MASP1: variants seen among roughly 807,000 people sequenced by gnomAD.
The protein encoded by MASP1 is MBL associated serine protease 1.
A neutral mutation model predicts 77.1 loss-of-function variants in MASP1; 59 were observed. That is an observed-to-expected ratio of 0.77 (90% confidence interval 0.62 to 0.95). The LOEUF is 0.95. Among genes scored for constraint, MASP1 ranks in the 40% least tolerant of loss-of-function variants. MASP1 has a pLI of 0.00. For missense variants in MASP1, 885 were observed against 912.9 expected, an observed-to-expected ratio of 0.97 and a Z score of 0.39; for synonymous variants, 362 against 354.5, an observed-to-expected ratio of 1.02 and a Z score of -0.24.
intron 7 of MASP1, chr3:187,251,243 A>G: frequency 4.5e-6 from 1 of 221,990 alleles, no homozygotes; most frequent in Non-Finnish European, 9.1e-6. Flanking sequence ...TACAGGCATG[A>G]GCCACCATGC....
In MASP1 at chr3:187,252,134, C is replaced by T. The variant is rs907041582; in HGVS notation, c.893-382G>A. ...GTCCAAACCTGCATCCCTCCTCCCT[C>T]AGCCACTACCTGCATCTTTCCTCCC... On this transcript the variant is annotated intron_variant, in intron 6 of 10. Transcript: ENST00000296280. Among the ~76,000 whole-genome samples the T allele has an allele frequency of 7.2e-5, 11 of 152,316 alleles. 1 individual carries two copies. Among genetic ancestry groups the T allele is most frequent in the African/African-American group, 2.6e-4 (11 of 41,564 alleles).
chr3:187,240,996 T>TA, intron 10 of MASP1, among the ~76,000 whole-genome samples: 1 of 152,324 alleles, frequency 6.6e-6, no homozygotes, highest in South Asian at 2.1e-4. Context: ...CACTTCCTGT[T>TA]ACCACAAAAT....
At chr3:187,279,211 G>A (rs2108598142) in intron 2 of MASP1, among the ~76,000 whole-genome samples, 2 of 152,324 alleles carry the variant, frequency 1.3e-5, no homozygotes, top group South Asian at 4.1e-4. Flanking sequence ...TAGAGACACT[G>A]GGGAAAAATG....
chr3:187,286,039 T>C lies in MASP1; in HGVS notation c.23A>G (p.Tyr8Cys). Residue 8 changes from tyrosine to cysteine, a missense_variant, in exon 2 of 11, where the codon TAT becomes TGT. By Grantham distance (194) the Tyr-to-Cys change is radical. Transcript: ENST00000296280. MRWLLLY[Y>C]ALCFSLSKAS... ...CTTTGACAGGGAGAAGCACAGAGCA[T>C]AATAGAGAAGCAGCCACCTGAAAGA... 1 of 1,614,136 alleles carries C rather than the reference T, an allele frequency of 6.2e-7. No individual in the cohort carries two copies. Among genetic ancestry groups the C allele is most frequent in the Non-Finnish European group, 8.5e-7 (1 of 1,180,002 alleles).
chr3:187,288,970 C>T (rs1718079055), intron 1 of MASP1, among the ~76,000 whole-genome samples: 1 of 152,118 alleles, frequency 6.6e-6, no homozygotes, highest in Non-Finnish European at 1.5e-5. Context: ...CATATGCTTG[C>T]CTGCTTGCGT....
chr3:187,283,807 C>T (rs1388788502), intron 2 of MASP1, among the ~76,000 whole-genome samples: 2 of 152,170 alleles, frequency 1.3e-5, no homozygotes, highest in Non-Finnish European at 2.9e-5. Context: ...AACTCTCCAA[C>T]CAAAATACTA....
chr3:187,217,775 A>G (rs1052370666), exon 16 of MASP1: 1 of 152,208 alleles, frequency 6.6e-6, no homozygotes, highest in African/African-American at 2.4e-5. Flanking sequence ...CCTGGGTTCC[A>G]TGGCCTATTT....
At chr3:187,219,515 G>C (rs1711912060) in exon 16 of MASP1, 1 of 162,274 alleles carries the variant, frequency 6.2e-6, no homozygotes, top group South Asian at 1.7e-4. Context: ...GATTGATGTT[G>C]GGCAAGTTGC....
intron 10 of MASP1, among the ~76,000 whole-genome samples, chr3:187,237,000 T>C (rs913331369): frequency 6.6e-6 from 1 of 152,164 alleles, no homozygotes; most frequent in Non-Finnish European, 1.5e-5. Context: ...TTTCTGTCCA[T>C]GGGGACAGAG....
chr3:187,228,303 A>G (rs1712556886), intron 11 of MASP1, among the ~76,000 whole-genome samples: 1 of 150,678 alleles, frequency 6.6e-6, no homozygotes, highest in South Asian at 2.1e-4. Flanking sequence ...AAAAAAAAAA[A>G]TCAAGGTTTA....
chr3:187,247,417 A>G (rs1243013175), intron 8 of MASP1: 2 of 1,613,680 alleles, frequency 1.2e-6, no homozygotes, highest in Admixed American at 1.7e-5. Flanking sequence ...AAGAGGGATC[A>G]AGAGATACAG....
rs766841364 is a variant in MASP1, at chr3:187,250,208, GGGGAGCTCAGTATCTTTATAA to G, written c.1090+22_1090+42del. The stretch of plus-strand genomic sequence containing the variant: ...GCTCTGCTCGGATCCCGCCAGTGCT[GGGGAGCTCAGTATCTTTATAA>G]CAACCCATTAGGCTTTCTTACTTTT... On this transcript the variant is annotated intron_variant, in intron 8 of 10. Transcript: ENST00000296280. 12 of 1,510,916 alleles carry G rather than the reference GGGGAGCTCAGTATCTTTATAA, an allele frequency of 7.9e-6. No homozygotes were observed. The East Asian group carries it at 2.5e-4, about 31-fold the overall frequency. 93.6% of individuals were successfully genotyped at this position (1,510,916 alleles called of 1,614,324 possible).
At chr3:187,245,958 C>G (rs561855060) in intron 8 of MASP1, among the ~76,000 whole-genome samples, 75 of 152,352 alleles carry the variant, frequency 4.9e-4, no homozygotes, top group African/African-American at 1.7e-3. Flanking sequence ...AACCCTGGCA[C>G]TCAGGCCTGG....
At chr3:187,229,305 C>T (rs1712627427), downstream of MASP1, among the ~76,000 whole-genome samples, 1 of 152,198 alleles carries the variant, frequency 6.6e-6, no homozygotes, top group Non-Finnish European at 1.5e-5. Flanking sequence ...CCCACCACTG[C>T]AATGGATGTC....
At chr3:187,285,166 TTG>T (rs901193495) in intron 2 of MASP1, among the ~76,000 whole-genome samples, 26 of 152,090 alleles carry the variant, frequency 1.7e-4, no homozygotes, top group Non-Finnish European at 3.1e-4. Flanking sequence ...ATTTTTTTTT[TTG>T]TGGGGGGTTC....
chr3:187,288,230 G>A (rs73886142), intron 1 of MASP1, among the ~76,000 whole-genome samples: 1 of 152,126 alleles, frequency 6.6e-6, no homozygotes, highest in Admixed American at 6.5e-5. Flanking sequence ...TGTGGAAGGA[G>A]GGCCTCAGAG....
chr3:187,249,820 G>A (rs1714410411), intron 8 of MASP1, among the ~76,000 whole-genome samples: 1 of 152,194 alleles, frequency 6.6e-6, no homozygotes, highest in Non-Finnish European at 1.5e-5. Context: ...TTCCTGCACA[G>A]CCCTAAATCA....
rs1011766376 is a variant in MASP1 at position 187,220,315 on chromosome 3, C to T, written c.1910-54G>A. On this transcript the variant is annotated intron_variant, in intron 15 of 15. Coordinates refer to the MASP1 transcript ENST00000337774. ...TAAAATGCCCCTTCCCAGCCCAAGT[C>T]TCCTTCTCCCATGTATGGGTTGTAG... is the stretch of plus-strand genomic sequence containing the variant. 9.2e-6 allele frequency: 14 copies of T among 1,524,404 alleles called. No individual in the cohort carries two copies. In the East Asian group the frequency reaches 2.7e-4, roughly 30 times the overall value. 94.4% of individuals were successfully genotyped at this position (1,524,404 alleles called of 1,614,324 possible). A position where few individuals can be genotyped will look rare whatever the true frequency, so the allele number is the denominator to read the frequency against.
intron 5 of MASP1, 55 bp from the exon 6 acceptor site, chr3:187,253,370 A>C: frequency 6.3e-7 from 1 of 1,593,348 alleles, no homozygotes; most frequent in Non-Finnish European, 8.6e-7. Flanking sequence ...GAGCAGCCAA[A>C]ATGGCCACTG....
Sources: allele counts gnomAD v4.1 joint callset (sites outside exome capture counted in the v4.1 genomes callset), GRCh38; gene constraint gnomAD v4.1.1; transcripts MANE v1.5; gene names NCBI Gene and HGNC (gene_info 2026-07-23, HGNC 2026-07-21).